The following KCNJ16 variants were observed in gnomAD, a reference collection of about 807,000 sequenced individuals.
KCNJ16 encodes potassium inwardly rectifying channel subfamily J member 16.
Under a neutral mutation model 18.5 loss-of-function variants are expected in KCNJ16, and 15 were observed. The observed-to-expected ratio is 0.81, with a 90% CI of 0.54 to 1.25. KCNJ16 has a LOEUF of 1.25. Among genes scored for constraint, KCNJ16 ranks in the 50% most tolerant of loss-of-function variants. The probability of loss-of-function intolerance (pLI) is 0.00; values close to 1 mark genes in which losing one functional copy is unlikely to be tolerated. For missense variants in KCNJ16, 523 were observed against 525.7 expected (o/e 0.99, Z 0.05); for synonymous variants, 174 against 186.5 (o/e 0.93, Z 0.55).
intron 1 of KCNJ16, among the ~76,000 whole-genome samples, chr17:70,099,052 C>T (rs1396608535): frequency 2.0e-5 from 3 of 152,116 alleles, no homozygotes; most frequent in Non-Finnish European, 4.4e-5. Context: ...AAATGAAAAA[C>T]TCTACAAATC....
At chr17:70,131,951 C>A in intron 3 of KCNJ16, 44 bp from the exon 4 acceptor site, 1 of 1,504,870 alleles carries the variant, frequency 6.6e-7, no homozygotes, top group Non-Finnish European at 8.8e-7. Flanking sequence ...TAAAGATGGA[C>A]ATTGAAAGCT....
At chr17:70,088,968 G>A (rs2071963198) in intron 1 of KCNJ16, among the ~76,000 whole-genome samples, 1 of 152,104 alleles carries the variant, frequency 6.6e-6, no homozygotes, top group African/African-American at 2.4e-5. Flanking sequence ...CTTTTAAAAA[G>A]TCAAATTCGA....
At chr17:70,105,819 A>T (rs895814764) in intron 2 of KCNJ16, among the ~76,000 whole-genome samples, 1 of 152,200 alleles carries the variant, frequency 6.6e-6, no homozygotes, top group East Asian at 1.9e-4. Context: ...TCACTAGAAG[A>T]AGTGGCACAA....
At chr17:70,122,263 C>T (rs768785812) in intron 2 of KCNJ16, among the ~76,000 whole-genome samples, 2 of 151,870 alleles carry the variant, frequency 1.3e-5, no homozygotes, top group Non-Finnish European at 2.9e-5. Context: ...AGCTCCACCT[C>T]GCAGGTTCAC....
intron 1 of KCNJ16, among the ~76,000 whole-genome samples, chr17:70,097,114 T>C (rs1253930686): frequency 1.3e-5 from 2 of 152,216 alleles, no homozygotes; most frequent in Non-Finnish European, 1.5e-5. Flanking sequence ...ATGTGCACTT[T>C]TGTTAATGTG....
chr17:70,103,592 T>A (rs2072774959), intron 2 of KCNJ16, among the ~76,000 whole-genome samples: 1 of 152,066 alleles, frequency 6.6e-6, no homozygotes, highest in Non-Finnish European at 1.5e-5. Flanking sequence ...CAGACTTAAA[T>A]TAGGCTGTCC....
chr17:70,082,763 A>G (rs955876303), intron 1 of KCNJ16, among the ~76,000 whole-genome samples: 6 of 152,200 alleles, frequency 3.9e-5, no homozygotes, highest in African/African-American at 1.4e-4. Flanking sequence ...TTAAGATGGT[A>G]GTAGAAATTC....
chr17:70,080,197 C>T (rs2071492871), intron 1 of KCNJ16, among the ~76,000 whole-genome samples: 1 of 152,112 alleles, frequency 6.6e-6, no homozygotes, highest in Non-Finnish European at 1.5e-5. Flanking sequence ...ATAATTTCCT[C>T]CATGTTTTCA....
chr17:70,119,908 C>T (rs1372992338), intron 2 of KCNJ16, among the ~76,000 whole-genome samples: 1 of 152,208 alleles, frequency 6.6e-6, no homozygotes, highest in Non-Finnish European at 1.5e-5. Context: ...CCCAAAAAGC[C>T]TTTCCTTTTT....
intron 2 of KCNJ16, among the ~76,000 whole-genome samples, chr17:70,103,462 C>T (rs1407677560): frequency 6.6e-6 from 1 of 151,178 alleles, no homozygotes; most frequent in Admixed American, 6.6e-5. Context: ...ACACTATGCC[C>T]GACCACACTG....
chr17:70,093,911 C>T (rs1049732063), intron 1 of KCNJ16, among the ~76,000 whole-genome samples: 10 of 146,236 alleles, frequency 6.8e-5, no homozygotes, highest in Admixed American at 2.1e-4. Context: ...GATCTTAGTA[C>T]AGATAACAAA....
At chr17:70,103,196 G>A (rs950619351) in intron 2 of KCNJ16, among the ~76,000 whole-genome samples, 2 of 142,512 alleles carry the variant, frequency 1.4e-5, no homozygotes, top group Non-Finnish European at 3.0e-5. Context: ...AAATATATAT[G>A]TGTATATATA....
Position 70,131,974 on chromosome 17 carries a change from TTTGTTG to T in KCNJ16, c.-93-12_-93-7del. On this transcript the variant is annotated splice_polypyrimidine_tract_variant and intron_variant, in intron 3 of 3. Transcript: ENST00000392671. Reference sequence around the variant, plus strand: ...GACATTGAAAGCTAAAAAGTGTGTTTTTGTTGTTGTTGTTTTTTAGGTTCTAACTGA... The same window carrying T: ...GACATTGAAAGCTAAAAAGTGTGTTTTTGTTGTTTTTTAGGTTCTAACTGA... 6.5e-7 allele frequency: 1 copy of T among 1,536,908 alleles called. No individual in the cohort carries two copies. The highest frequency in any genetic ancestry group is 8.7e-7 in the Non-Finnish European group (1 of 1,145,194).
At chr17:70,111,918 T>C (rs1286887846) in intron 2 of KCNJ16, among the ~76,000 whole-genome samples, 3 of 152,188 alleles carry the variant, frequency 2.0e-5, no homozygotes, top group Non-Finnish European at 4.4e-5. Context: ...GTATATAAAT[T>C]ACCCAGTCTC....
rs781282253 is a variant in KCNJ16 at position 70,132,304 on chromosome 17, A to G, written c.217A>G (p.Met73Val). The stretch of plus-strand genomic sequence containing the variant: ...TCTTGTGGACACCAAGTGGCGCCAT[A>G]TGTTTGTGATATTTTCTTTATCTTA... ...TTLVDTKWRH[M>V]FVIFSLSYIL... Residue 73 changes from methionine (M) to valine (V), a missense_variant, in exon 4 of 4, where the codon ATG becomes GTG. Physicochemically the swap from Met to Val is conservative, Grantham distance 21. Coordinates refer to ENST00000392671, the MANE Select transcript of KCNJ16 (RefSeq NM_170741.4). 6.2e-7 allele frequency: 1 copy of G among 1,614,146 alleles called. No individual in the cohort carries two copies. Among genetic ancestry groups the G allele is most frequent in the Non-Finnish European group, 8.5e-7 (1 of 1,180,008 alleles).
chr17:70,085,712 C>G (rs1353508727), intron 1 of KCNJ16, among the ~76,000 whole-genome samples: 1 of 152,086 alleles, frequency 6.6e-6, no homozygotes, highest in Non-Finnish European at 1.5e-5. Flanking sequence ...TTGAAGTAGT[C>G]TATTTCATAC....
At chr17:70,120,215 C>G (rs1180735161) in intron 2 of KCNJ16, among the ~76,000 whole-genome samples, 1 of 152,138 alleles carries the variant, frequency 6.6e-6, no homozygotes. Flanking sequence ...CATCTGAGAC[C>G]GTGTCAGCCT....
intron 2 of KCNJ16, among the ~76,000 whole-genome samples, chr17:70,121,955 T>C (rs948058921): frequency 1.3e-5 from 2 of 152,048 alleles, no homozygotes; most frequent in Non-Finnish European, 2.9e-5. Context: ...CAAGACTCTG[T>C]CTCAAAAGAA....
intron 2 of KCNJ16, among the ~76,000 whole-genome samples, chr17:70,107,020 T>G (rs148475739): frequency 6.2e-4 from 94 of 152,262 alleles, no homozygotes; most frequent in African/African-American, 2.2e-3. Context: ...CTGCCTCAAA[T>G]CAGCCAAAGC....
Sources: gnomAD v4.1 joint callset for allele counts (sites outside exome capture counted in the v4.1 genomes callset) on GRCh38, gnomAD v4.1.1 for gene constraint, MANE v1.5 for transcripts, NCBI Gene and HGNC (gene_info 2026-07-23, HGNC 2026-07-21) for gene names.